Variants in LPP observed in about 807,000 individuals in gnomAD.
LPP encodes the protein lipoma-preferred partner.
A neutral mutation model predicts 60.4 loss-of-function variants in LPP; 38 were observed. That is an observed-to-expected ratio of 0.63 (90% CI 0.49 to 0.83). LPP has a LOEUF of 0.83. Ranked by LOEUF, LPP falls within the 40% of genes least tolerant of loss-of-function variation. LPP has a pLI of 0.00. For missense variants in LPP, 902 were observed against 783.6 expected, an observed-to-expected ratio of 1.15 and a Z score of -1.80; for synonymous variants, 328 against 290.8, an observed-to-expected ratio of 1.13 and a Z score of -1.30.
intron 2 of LPP, among the ~76,000 whole-genome samples, chr3:188,340,204 T>C (rs1762679125): frequency 6.6e-6 from 1 of 152,174 alleles, no homozygotes; most frequent in Non-Finnish European, 1.5e-5. Context: ...ATGTGATCTT[T>C]GAAGTTTGGT....
Position 188,874,520 on chromosome 3 carries a change from C to T in LPP, c.*41C>T, listed in dbSNP as rs1769017921. On this transcript the variant is annotated 3_prime_UTR_variant, in exon 12 of 12. Coordinates refer to ENST00000617246, the MANE Select transcript of LPP (RefSeq NM_001375462.1). ...CAGCCGGCACTGAGAAGAACGAACA[C>T]AAGAAAAAGATAAGAAATACTAGAG... 1.3e-6 allele frequency: 2 copies of T among 1,596,962 alleles called. No individual in the cohort carries two copies. Among genetic ancestry groups the T allele is most frequent in the African/African-American group, 2.7e-5 (2 of 74,700 alleles).
chr3:188,363,109 G>A (rs1006728675), intron 3 of LPP, among the ~76,000 whole-genome samples: 7 of 151,770 alleles, frequency 4.6e-5, no homozygotes, highest in African/African-American at 7.3e-5. Flanking sequence ...AATTAAAAAC[G>A]TTTTGCACAG....
chr3:188,450,606 A>G (rs1350280468), intron 4 of LPP, among the ~76,000 whole-genome samples: 1 of 151,998 alleles, frequency 6.6e-6, no homozygotes, highest in African/African-American at 2.4e-5. Flanking sequence ...TTAGCTGGGC[A>G]TGGTGGCAAG....
chr3:188,672,986 G>A (rs185949854), intron 7 of LPP, among the ~76,000 whole-genome samples: 70 of 149,602 alleles, frequency 4.7e-4, no homozygotes, highest in Middle Eastern at 6.8e-3. Flanking sequence ...TTTCCATTCA[G>A]CACTCGTGTA....
intron 9 of LPP, among the ~76,000 whole-genome samples, chr3:188,828,091 T>G (rs1312552260): frequency 2.6e-5 from 4 of 152,136 alleles, no homozygotes; most frequent in African/African-American, 9.7e-5. Context: ...GGCACCACTT[T>G]AGTTCTTGAG....
At chr3:188,200,232 A>C (rs1011483063) in intron 1 of LPP, among the ~76,000 whole-genome samples, 1 of 150,990 alleles carries the variant, frequency 6.6e-6, no homozygotes, top group African/African-American at 2.4e-5. Context: ...GACTGGAGCT[A>C]CTGGGTTTAA....
intron 1 of LPP, among the ~76,000 whole-genome samples, chr3:188,202,572 G>C (rs780698550): frequency 2.2e-4 from 33 of 152,336 alleles, no homozygotes; most frequent in Middle Eastern, 6.8e-3. Context: ...TGCTGACAAG[G>C]TTCACGCGCT....
At chr3:188,729,476 A>G (rs189605749) in intron 8 of LPP, among the ~76,000 whole-genome samples, 262 of 152,336 alleles carry the variant, frequency 1.7e-3, no homozygotes, top group African/African-American at 6.2e-3. Flanking sequence ...AACCTTATAA[A>G]GCCACTTAAT....
rs528100275 is a variant in LPP, at chr3:188,444,410, C to T, written c.193+38097C>T. ...TGAACTTGAAAGAAAAAGTTATGCCCGACTCGTTGATTGCATATTAAATAG... is the reference window on the plus strand; with the variant it reads ...TGAACTTGAAAGAAAAAGTTATGCCTGACTCGTTGATTGCATATTAAATAG... On this transcript the variant is annotated intron_variant, in intron 4 of 11. Coordinates refer to ENST00000617246, the MANE Select transcript of LPP (RefSeq NM_001375462.1). Among the ~76,000 whole-genome samples the T allele has an allele frequency of 4.6e-5, 7 of 152,076 alleles. No individual in the cohort carries two copies. The South Asian group carries it at 8.3e-4, about 18-fold the overall frequency.
chr3:188,665,753 G>A (rs967637140), intron 7 of LPP, among the ~76,000 whole-genome samples: 1 of 152,076 alleles, frequency 6.6e-6, no homozygotes, highest in African/African-American at 2.4e-5. Context: ...GAGCCACCTC[G>A]CCCGGCCAGC....
At chr3:188,654,278 GA>G (rs1216717781) in intron 7 of LPP, among the ~76,000 whole-genome samples, 2 of 152,182 alleles carry the variant, frequency 1.3e-5, no homozygotes, top group African/African-American at 2.4e-5. Context: ...GGTGTTGATT[GA>G]ATCTGGCCAA....
At chr3:188,708,246 T>C (rs1344274785) in intron 7 of LPP, 21 bp from the exon 8 acceptor site, 2 of 1,613,632 alleles carry the variant, frequency 1.2e-6, no homozygotes, top group Admixed American at 3.3e-5. Context: ...ATTAAAGGAC[T>C]GTGTGCTTTC....
intron 7 of LPP, among the ~76,000 whole-genome samples, chr3:188,668,871 T>G (rs1235700718): frequency 1.3e-5 from 2 of 152,248 alleles, no homozygotes; most frequent in African/African-American, 4.8e-5. Context: ...GTGTATTGTT[T>G]ATACTGTCTC....
At chr3:188,556,835 A>G (rs944379025) in intron 6 of LPP, among the ~76,000 whole-genome samples, 1 of 152,082 alleles carries the variant, frequency 6.6e-6, no homozygotes, top group Non-Finnish European at 1.5e-5. Flanking sequence ...AGGTCATTCC[A>G]ATACTTAATG....
rs1018904955 is a variant in LPP, at chr3:188,406,191, A to T, written c.71A>T (p.Glu24Val). 7.4e-6 allele frequency: 12 copies of T among 1,614,038 alleles called. No individual in the cohort carries two copies. Among genetic ancestry groups the T allele is most frequent in the Non-Finnish European group, 1.0e-5 (12 of 1,180,020 alleles). ...CTCGGCCATGTGCCTGCACGGATGG[A>T]GACCACCCATTCCTTTGGGAACCCC... ...EPLGHVPARMETTHSFGNPSI... is the reference protein window; with the variant it reads ...EPLGHVPARMVTTHSFGNPSI... The change falls in exon 4 of 12, where the codon GAG (glutamate) becomes GTG (valine). Residue 24 changes from glutamate to valine, a missense_variant. Physicochemically the swap from Glu to Val is moderately radical, Grantham distance 121. Transcript: ENST00000617246.
At chr3:188,280,533 T>C (rs1178103089) in intron 2 of LPP, among the ~76,000 whole-genome samples, 1 of 151,856 alleles carries the variant, frequency 6.6e-6, no homozygotes, top group Admixed American at 6.6e-5. Flanking sequence ...GACGAGGAAA[T>C]AGGTATTATC....
At chr3:188,366,417 G>A (rs1771183368) in intron 3 of LPP, among the ~76,000 whole-genome samples, 1 of 152,098 alleles carries the variant, frequency 6.6e-6, no homozygotes, top group Non-Finnish European at 1.5e-5. Context: ...CCGTGGTGAA[G>A]GGCACTCTCT....
chr3:188,406,027 G>T (rs1783409799), intron 3 of LPP, 85 bp from the exon 4 acceptor site: 7 of 1,198,160 alleles, frequency 5.8e-6, no homozygotes, highest in Non-Finnish European at 8.3e-6. Context: ...CATTTAGTAT[G>T]GATTAAGGTG....
At chr3:188,362,674 C>A (rs1381802050) in intron 3 of LPP, among the ~76,000 whole-genome samples, 1 of 152,204 alleles carries the variant, frequency 6.6e-6, no homozygotes, top group Non-Finnish European at 1.5e-5. Context: ...GTTCACAATG[C>A]CATGTCTAGT....
Sources: allele counts gnomAD v4.1 joint callset (sites outside exome capture counted in the v4.1 genomes callset), GRCh38; gene constraint gnomAD v4.1.1; transcripts MANE v1.5; gene names NCBI Gene and HGNC (gene_info 2026-07-23, HGNC 2026-07-21).